The following ENTPD1 variants were observed in gnomAD, a reference collection of about 807,000 sequenced individuals.
ENTPD1 encodes ectonucleoside triphosphate diphosphohydrolase 1.
Under a neutral mutation model 57.0 loss-of-function variants are expected in ENTPD1, and 33 were observed. That is an observed-to-expected ratio of 0.58 (90% CI 0.44 to 0.77). The LOEUF (loss-of-function observed/expected upper bound fraction) is 0.77. Among genes scored for constraint, ENTPD1 ranks in the 30% least tolerant of loss-of-function variants. ENTPD1 has a pLI of 0.00. For synonymous variants in ENTPD1, 202 were observed against 218.8 expected (o/e 0.92, Z 0.68); for missense variants, 501 against 603.4 (o/e 0.83, Z 1.78).
intron 1 of ENTPD1, among the ~76,000 whole-genome samples, chr10:95,764,759 G>C (rs1436453205): frequency 1.1e-5 from 1 of 90,996 alleles, no homozygotes; most frequent in Non-Finnish European, 2.0e-5. Flanking sequence ...TTTTGCTCTT[G>C]TTGCCCAGGC....
At chr10:95,728,621 G>C (rs1458827352) in intron 1 of ENTPD1, among the ~76,000 whole-genome samples, 1 of 152,132 alleles carries the variant, frequency 6.6e-6, no homozygotes, top group Non-Finnish European at 1.5e-5. Context: ...TGAAAAATAT[G>C]TGAGAGCCAT....
chr10:95,754,788 ATAAAG>A (rs1222258798), upstream of ENTPD1: 2 of 152,260 alleles, frequency 1.3e-5, no homozygotes, highest in African/African-American at 2.4e-5. Context: ...CATTTCAGAA[ATAAAG>A]TATTGTTAAA....
upstream of ENTPD1, chr10:95,756,031 C>T: frequency 1.4e-6 from 2 of 1,469,338 alleles, no homozygotes; most frequent in Non-Finnish European, 1.8e-6. Context: ...CTGGACTCCT[C>T]AGTCAATCTG....
rs1276986114 is a variant in ENTPD1 at position 95,870,466 on chromosome 10, A to G, written c.*4083A>G. The stretch of plus-strand genomic sequence containing the variant: ...TCTAGCTATTTTTTTTTCTGTAGAG[A>G]CAGGGTTTTCCTATGTTGTCCAGGC... On this transcript the variant is annotated 3_prime_UTR_variant, in exon 10 of 10. Transcript: ENST00000371205. 2.6e-6 allele frequency: 2 copies of G among 769,372 alleles called. No individual in the cohort carries two copies. Among genetic ancestry groups the G allele is most frequent in the Non-Finnish European group, 3.2e-6 (2 of 633,432 alleles). 47.7% of individuals were successfully genotyped at this position (769,372 alleles called of 1,614,324 possible).
the ENTPD1 span, among the ~76,000 whole-genome samples, chr10:95,704,707 TC>T: frequency 1.3e-5 from 2 of 152,104 alleles, no homozygotes; most frequent in African/African-American, 4.8e-5. Flanking sequence ...GATAATACGA[TC>T]CTGAGGTAGG....
At chr10:95,857,933 G>A (rs1360711959) in intron 7 of ENTPD1, among the ~76,000 whole-genome samples, 11 of 152,118 alleles carry the variant, frequency 7.2e-5, no homozygotes, top group Admixed American at 1.3e-4. Flanking sequence ...AGGCCGACGC[G>A]GGCGGATCAC....
chr10:95,714,022 G>A (rs75696337), intron 1 of ENTPD1, among the ~76,000 whole-genome samples: 3,211 of 152,206 alleles, frequency 0.021, 58 homozygotes, highest in South Asian at 0.08. Flanking sequence ...TTAAGTTAAA[G>A]TTTGAGGCCT....
intron 1 of ENTPD1, among the ~76,000 whole-genome samples, chr10:95,807,312 A>G (rs369948636): frequency 1.9e-4 from 29 of 152,230 alleles, no homozygotes; most frequent in African/African-American, 6.5e-4. Context: ...GTGACCCGCC[A>G]AGCCAGGCAC....
intron 1 of ENTPD1, among the ~76,000 whole-genome samples, chr10:95,761,290 G>A (rs1411764072): frequency 6.6e-6 from 1 of 152,158 alleles, no homozygotes; most frequent in Non-Finnish European, 1.5e-5. Flanking sequence ...ATGTTCTGAA[G>A]CAGTGCTTCT....
intron 4 of ENTPD1, among the ~76,000 whole-genome samples, chr10:95,842,859 C>T (rs1345949343): frequency 6.6e-6 from 1 of 152,182 alleles, no homozygotes; most frequent in Non-Finnish European, 1.5e-5. Flanking sequence ...CATCCCAGGT[C>T]ATAAATATTC....
chr10:95,854,411 G>C lies in ENTPD1; in HGVS notation c.1075-6058G>C, dbSNP rs141398660. Among the ~76,000 whole-genome samples the C allele has an allele frequency of 2.6e-5, 4 of 152,232 alleles. No individual in the cohort carries two copies. The South Asian group carries it at 8.3e-4, about 32-fold the overall frequency. ...CCTGGATTCACTGATTTGTTGAAGG[G>C]CTTTTTGTGTCTCTATTTCCTTCAG... On this transcript the variant is annotated intron_variant, in intron 7 of 9. Transcript: ENST00000371205.
intron 2 of ENTPD1, 89 bp from the exon 3 acceptor site, chr10:95,839,602 T>A: frequency 7.5e-7 from 1 of 1,337,144 alleles, no homozygotes; most frequent in Non-Finnish European, 1.1e-6. Context: ...CTCCTCATGT[T>A]TTTGAAAATT....
chr10:95,866,636 T>G lies in ENTPD1; in HGVS notation c.*253T>G, dbSNP rs925158389. ...ACCTTTCTCCTTTGTACTTTGTGCT[T>G]GTATAGGTTTTAAAGACCTGACACC... is the stretch of plus-strand genomic sequence containing the variant. On this transcript the variant is annotated 3_prime_UTR_variant, in exon 10 of 10. Transcript: ENST00000371205. 7.5e-6 allele frequency: 10 copies of G among 1,330,932 alleles called. No homozygotes were observed. In the African/African-American group the frequency reaches 1.5e-4, roughly 20 times the overall value. 82.4% of individuals were successfully genotyped at this position (1,330,932 alleles called of 1,614,324 possible).
chr10:95,820,418 T>C (rs946762247), intron 1 of ENTPD1, among the ~76,000 whole-genome samples: 2 of 152,222 alleles, frequency 1.3e-5, no homozygotes, highest in African/African-American at 2.4e-5. Context: ...CTGGATATCA[T>C]TGCAAAAGCT....
At chr10:95,758,093 A>G (rs1282908733) in intron 1 of ENTPD1, among the ~76,000 whole-genome samples, 1 of 149,964 alleles carries the variant, frequency 6.7e-6, no homozygotes, top group East Asian at 2.0e-4. Flanking sequence ...GAGCAGACCC[A>G]GTCATCTCTG....
intron 1 of ENTPD1, among the ~76,000 whole-genome samples, chr10:95,802,772 G>A (rs192424863): frequency 5.3e-5 from 8 of 152,198 alleles, no homozygotes; most frequent in Non-Finnish European, 7.4e-5. Context: ...CCATGTCTCC[G>A]CAAAGGACAT....
intron 1 of ENTPD1, among the ~76,000 whole-genome samples, chr10:95,773,604 A>T (rs978396544): frequency 5.9e-5 from 9 of 152,162 alleles, no homozygotes; most frequent in African/African-American, 2.2e-4. Flanking sequence ...TTAAACTTAA[A>T]GTCACTAGCT....
chr10:95,823,440 T>G lies in ENTPD1; in HGVS notation c.144+76T>G, dbSNP rs1359508963. On this transcript the variant is annotated intron_variant, in intron 2 of 9. Coordinates refer to ENST00000371205, the MANE Select transcript of ENTPD1 (RefSeq NM_001776.6). ...TGGGACAGGGGGAGGAGGGATAAGG[T>G]ATGTAGAGCATAGGGGACGAGTTGA... 5 of 1,604,272 alleles carry G rather than the reference T, an allele frequency of 3.1e-6. No homozygotes were observed. In the East Asian group the frequency reaches 1.1e-4, roughly 36 times the overall value.
intron 1 of ENTPD1, among the ~76,000 whole-genome samples, chr10:95,786,807 C>A (rs1196575874): frequency 6.6e-6 from 1 of 152,184 alleles, no homozygotes; most frequent in African/African-American, 2.4e-5. Flanking sequence ...GAGTGTTGCA[C>A]ATTTAGATAT....
Sources: gnomAD v4.1 joint callset for allele counts (sites outside exome capture counted in the v4.1 genomes callset) on GRCh38, gnomAD v4.1.1 for gene constraint, MANE v1.5 for transcripts, NCBI Gene and HGNC (gene_info 2026-07-23, HGNC 2026-07-21) for gene names.